Variants in PPP1R9A observed in about 807,000 individuals in gnomAD.
PPP1R9A encodes the protein protein phosphatase 1 regulatory subunit 9A.
PPP1R9A carries 59 observed loss-of-function variants against 141.9 expected under a neutral mutation model. That is an observed-to-expected ratio of 0.42 (90% confidence interval 0.34 to 0.52). The LOEUF is 0.52. PPP1R9A is among the 20% of genes least tolerant of loss of function. The probability of loss-of-function intolerance (pLI) is 0.10; values close to 1 mark genes in which losing one functional copy is unlikely to be tolerated. For synonymous variants in PPP1R9A, 500 were observed against 569.7 expected (o/e 0.88, Z 1.74); for missense variants, 1,444 against 1,611.9 (o/e 0.90, Z 1.78).
intron 4 of PPP1R9A, among the ~76,000 whole-genome samples, chr7:95,131,703 A>T (rs1462487971): frequency 6.8e-6 from 1 of 148,080 alleles, no homozygotes. Context: ...TTAATTTTAT[A>T]TATTTTTTCT....
chr7:95,074,344 T>G (rs1290754163), intron 2 of PPP1R9A, among the ~76,000 whole-genome samples: 1 of 152,180 alleles, frequency 6.6e-6, no homozygotes, highest in Non-Finnish European at 1.5e-5. Context: ...CTATTTTATA[T>G]TATTGAAACA....
chr7:95,042,152 C>T (rs182050300), intron 2 of PPP1R9A, among the ~76,000 whole-genome samples: 3 of 152,200 alleles, frequency 2.0e-5, no homozygotes, highest in Non-Finnish European at 4.4e-5. Flanking sequence ...TCTACTTGTG[C>T]ATGAAATAGA....
chr7:95,185,378 A>ATTTTTTTTTTTTTTT (rs147366122), intron 5 of PPP1R9A, among the ~76,000 whole-genome samples: 7 of 148,802 alleles, frequency 4.7e-5, no homozygotes, highest in African/African-American at 1.7e-4. Flanking sequence ...TTTTTATGGG[A>ATTTTTTTTTTTTTTT]TTTTTTTTTT....
intron 4 of PPP1R9A, chr7:95,154,915 C>T (rs1829339355): frequency 1.3e-5 from 2 of 152,112 alleles, no homozygotes; most frequent in Admixed American, 1.3e-4. Flanking sequence ...CATTCCTTGT[C>T]ATGTCTCATA....
intron 2 of PPP1R9A, among the ~76,000 whole-genome samples, chr7:95,075,850 T>C (rs546574675): frequency 1.3e-5 from 2 of 151,688 alleles, no homozygotes; most frequent in South Asian, 2.1e-4. Context: ...AAAAAATGTA[T>C]GGAGAGGTAG....
chr7:95,163,168 C>T (rs968020044), intron 5 of PPP1R9A, among the ~76,000 whole-genome samples: 4 of 152,204 alleles, frequency 2.6e-5, no homozygotes, highest in African/African-American at 9.7e-5. Context: ...ACATTCAACT[C>T]ATAAGAACAT....
chr7:95,154,576 A>G (rs1395817615), intron 4 of PPP1R9A: 2 of 152,128 alleles, frequency 1.3e-5, no homozygotes, highest in Non-Finnish European at 2.9e-5. Context: ...AGATATTACT[A>G]TAGATTCATG....
intron 2 of PPP1R9A, among the ~76,000 whole-genome samples, chr7:94,939,814 G>A (rs1795140449): frequency 9.4e-6 from 1 of 106,404 alleles, no homozygotes; most frequent in Non-Finnish European, 1.9e-5. Flanking sequence ...ATGTATATAT[G>A]TGTACACACA....
At chr7:95,133,770 C>G (rs1825113422) in intron 4 of PPP1R9A, among the ~76,000 whole-genome samples, 1 of 151,976 alleles carries the variant, frequency 6.6e-6, no homozygotes, top group African/African-American at 2.4e-5. Context: ...GATCTTGGCT[C>G]ACTGCAACCT....
intron 5 of PPP1R9A, among the ~76,000 whole-genome samples, chr7:95,162,392 T>C (rs929490052): frequency 1.3e-5 from 2 of 152,316 alleles, no homozygotes; most frequent in African/African-American, 4.8e-5. Context: ...TTTTTAAATG[T>C]ATACATTCTT....
chr7:95,122,549 T>G (rs1822832808), intron 4 of PPP1R9A, among the ~76,000 whole-genome samples: 1 of 152,210 alleles, frequency 6.6e-6, no homozygotes, highest in South Asian at 2.1e-4. Flanking sequence ...ACCTTATATC[T>G]TCTTTTCCAT....
chr7:95,165,696 G>A (rs1327604693), intron 5 of PPP1R9A, among the ~76,000 whole-genome samples: 1 of 152,184 alleles, frequency 6.6e-6, no homozygotes, highest in Non-Finnish European at 1.5e-5. Context: ...AACTGAAAAT[G>A]TGGGAGTAGC....
chr7:95,093,021 T>TAAGACATATGGCATATGA (rs1817560937), intron 2 of PPP1R9A, among the ~76,000 whole-genome samples: 1 of 152,216 alleles, frequency 6.6e-6, no homozygotes, highest in Non-Finnish European at 1.5e-5. Flanking sequence ...GCATATGTAT[T>TAAGACATATGGCATATGA]TACCTTCCCG....
chr7:95,181,536 A>C (rs1201398732), intron 5 of PPP1R9A, among the ~76,000 whole-genome samples: 1 of 137,186 alleles, frequency 7.3e-6, no homozygotes, highest in Non-Finnish European at 1.5e-5. Context: ...ATATATATAT[A>C]GAATATAGAG....
rs188321585 is a variant in PPP1R9A, at chr7:95,063,563, A to T, written c.1396-47696A>T. 4.6e-3 allele frequency among the ~76,000 whole-genome samples: 705 copies of T among 151,960 alleles called. 3 individuals carry two copies. Among genetic ancestry groups the T allele is most frequent in the Middle Eastern group, 0.01 (3 of 294 alleles). On this transcript the variant is annotated intron_variant, in intron 2 of 19. Transcript: ENST00000433360. Reference sequence around the variant, plus strand: ...CTGGGCAACAGAGCAAGACTTTTTTAAAAAAAAATTTTAAATAAAATAAAG... The same window carrying T: ...CTGGGCAACAGAGCAAGACTTTTTTTAAAAAAAATTTTAAATAAAATAAAG...
intron 2 of PPP1R9A, among the ~76,000 whole-genome samples, chr7:94,990,458 G>C (rs1006099604): frequency 5.3e-5 from 8 of 151,962 alleles, no homozygotes; most frequent in African/African-American, 1.9e-4. Context: ...AAACTGACAC[G>C]TAATAATTGT....
chr7:95,109,909 T>C (rs1336050353), intron 2 of PPP1R9A, among the ~76,000 whole-genome samples: 1 of 151,574 alleles, frequency 6.6e-6, no homozygotes, highest in Non-Finnish European at 1.5e-5. Flanking sequence ...TTTATGAATA[T>C]TATGAAAAGA....
chr7:95,293,934 A>G lies in PPP1R9A; in HGVS notation c.*3631A>G, dbSNP rs546004773. The G allele has an allele frequency of 2.6e-5, 4 of 152,362 alleles. No individual in the cohort carries two copies. The highest frequency in any genetic ancestry group is 9.6e-5 in the African/African-American group (4 of 41,584). The allele number at this position is 152,362 out of a possible 1,614,324, so 9.4% of individuals were successfully genotyped here. ...AACAATAGTGTTCTAGAGGATTCTA[A>G]AGGAAGCTGCCCCAGCAGCCCTGAG... On this transcript the variant is annotated 3_prime_UTR_variant, in exon 20 of 20. Transcript: ENST00000433360.
In PPP1R9A at chr7:95,047,776, GAC is replaced by G. The variant is rs536707209; in HGVS notation, c.1396-63479_1396-63478del. Among the ~76,000 whole-genome samples, 620 of 152,274 alleles carry G rather than the reference GAC, an allele frequency of 4.1e-3. 9 individuals are homozygous for G. Among genetic ancestry groups the G allele is most frequent in the Non-Finnish European group, 2.9e-3 (198 of 68,018 alleles). On this transcript the variant is annotated intron_variant, in intron 2 of 19. Transcript: ENST00000433360. ...TGGTATGAGGCACAGATGTAAAGGG[GAC>G]ACATTCTTGGGGTAGCTTTTTCTAT...
Sources: gnomAD v4.1 joint callset for allele counts (sites outside exome capture counted in the v4.1 genomes callset) on GRCh38, gnomAD v4.1.1 for gene constraint, MANE v1.5 for transcripts, NCBI Gene and HGNC (gene_info 2026-07-23, HGNC 2026-07-21) for gene names.